KIZ: variants seen among roughly 807,000 people sequenced by gnomAD.
KIZ encodes the protein centrosomal protein kizuna.
KIZ carries 68 observed loss-of-function variants against 79.6 expected under a neutral mutation model. The ratio of observed to expected loss-of-function variants is 0.85; its 90% confidence interval spans 0.70 to 1.05. The LOEUF (loss-of-function observed/expected upper bound fraction) is 1.05, where lower values mean the gene tolerates loss of function less well. Among genes scored for constraint, KIZ ranks in the 50% least tolerant of loss-of-function variants. The pLI is 0.00. For missense variants in KIZ, 797 were observed against 800.4 expected, an observed-to-expected ratio of 1.00 and a Z score of 0.05; for synonymous variants, 280 against 281.8, an observed-to-expected ratio of 0.99 and a Z score of 0.06.
At chr20:21,229,722 G>A (rs889512334) in intron 10 of KIZ, among the ~76,000 whole-genome samples, 4 of 151,674 alleles carry the variant, frequency 2.6e-5, no homozygotes, top group South Asian at 2.1e-4. Context: ...CTACAGGTGC[G>A]CACCACCACA....
chr20:21,148,396 A>C (rs2032956378), intron 4 of KIZ, among the ~76,000 whole-genome samples: 1 of 152,152 alleles, frequency 6.6e-6, no homozygotes. Flanking sequence ...TGCATCCAGT[A>C]GTTGCTCTTT....
chr20:21,235,828 A>C (rs539523957), intron 11 of KIZ, among the ~76,000 whole-genome samples: 1 of 152,360 alleles, frequency 6.6e-6, no homozygotes, highest in East Asian at 1.9e-4. Flanking sequence ...TGCAGCCACC[A>C]GAGCGGCCAG....
In KIZ at chr20:21,143,819, T is replaced by C. The variant is rs750803176; in HGVS notation, c.316-1746T>C. On this transcript the variant is annotated intron_variant, in intron 3 of 12. Coordinates refer to ENST00000619189, the MANE Select transcript of KIZ (RefSeq NM_018474.6). ...GGAGAGCGCTGTGGAAAACTCCTGC[T>C]CTCCAGTGTTCCGGACATGGATAAT... Among the ~76,000 whole-genome samples the C allele has an allele frequency of 7.2e-5, 11 of 152,250 alleles. No individual in the cohort carries two copies. The East Asian group carries it at 1.5e-3, about 21-fold the overall frequency.
At chr20:21,169,147 A>C (rs1464149916) in intron 6 of KIZ, among the ~76,000 whole-genome samples, 4 of 152,200 alleles carry the variant, frequency 2.6e-5, no homozygotes, top group Non-Finnish European at 4.4e-5. Flanking sequence ...TGAACAGGCA[A>C]CCTACAGCAT....
chr20:21,210,637 G>C (rs2036028801), intron 7 of KIZ, among the ~76,000 whole-genome samples: 1 of 152,132 alleles, frequency 6.6e-6, no homozygotes, highest in African/African-American at 2.4e-5. Context: ...AGGTCAAAAG[G>C]TGGGTATATC....
chr20:21,145,294 T>C (rs2032790091), intron 3 of KIZ, among the ~76,000 whole-genome samples: 1 of 145,236 alleles, frequency 6.9e-6, no homozygotes, highest in South Asian at 2.1e-4. Context: ...TATACATGTG[T>C]ATATATATAA....
chr20:21,193,706 G>A (rs926858193), intron 6 of KIZ, among the ~76,000 whole-genome samples: 1 of 151,730 alleles, frequency 6.6e-6, no homozygotes, highest in African/African-American at 2.4e-5. Context: ...TCCTTTGTAG[G>A]GACATGGATG....
At chr20:21,238,550 C>T (rs1381005417) in intron 11 of KIZ, among the ~76,000 whole-genome samples, 1 of 152,150 alleles carries the variant, frequency 6.6e-6, no homozygotes, top group Non-Finnish European at 1.5e-5. Flanking sequence ...TTCCTGGCTG[C>T]TGTCTTGTCT....
intron 3 of KIZ, among the ~76,000 whole-genome samples, chr20:21,136,766 C>T (rs1325263828): frequency 6.6e-6 from 1 of 151,994 alleles, no homozygotes; most frequent in Non-Finnish European, 1.5e-5. Context: ...CAGATGCACA[C>T]CCCAGGTTTA....
chr20:21,188,427 A>G (rs2034971698), intron 6 of KIZ, among the ~76,000 whole-genome samples: 1 of 152,178 alleles, frequency 6.6e-6, no homozygotes, highest in South Asian at 2.1e-4. Flanking sequence ...AGTTTTCCCA[A>G]TATCCTTAGG....
At chr20:21,198,599 T>A (rs1036991004) in intron 6 of KIZ, 2 of 152,504 alleles carry the variant, frequency 1.3e-5, no homozygotes, top group African/African-American at 4.8e-5. Context: ...GGAGGATATT[T>A]ACAGGATTCT....
intron 9 of KIZ, among the ~76,000 whole-genome samples, chr20:21,224,723 T>A (rs2036606646): frequency 1.3e-5 from 2 of 152,224 alleles, no homozygotes; most frequent in Admixed American, 1.3e-4. Flanking sequence ...AAGACACCCC[T>A]TAGAGACTGG....
intron 11 of KIZ, among the ~76,000 whole-genome samples, chr20:21,240,545 G>A (rs2037178781): frequency 6.6e-6 from 1 of 152,228 alleles, no homozygotes; most frequent in African/African-American, 2.4e-5. Context: ...TAAACTTCTA[G>A]GGAAAAAATA....
chr20:21,219,183 G>C (rs570780707), intron 9 of KIZ, among the ~76,000 whole-genome samples: 49,060 of 152,078 alleles, frequency 0.32, 8,010 homozygotes, highest in East Asian at 0.42. Context: ...CATATACCAG[G>C]TAGAATATTT....
chr20:21,203,810 CAT>C (rs1233454531), intron 6 of KIZ, among the ~76,000 whole-genome samples: 1 of 151,970 alleles, frequency 6.6e-6, no homozygotes, highest in Non-Finnish European at 1.5e-5. Flanking sequence ...TAAAAAAAAA[CAT>C]AAAATTAGCC....
At chr20:21,150,805 C>G (rs1456928983) in intron 4 of KIZ, 1 of 152,318 alleles carries the variant, frequency 6.6e-6, no homozygotes, top group African/African-American at 2.4e-5. Flanking sequence ...CACACCACCC[C>G]ACAGCACCCT....
intron 3 of KIZ, chr20:21,138,964 G>A (rs1245729127): frequency 8.9e-6 from 1 of 112,096 alleles, no homozygotes; most frequent in Non-Finnish European, 1.7e-5. Context: ...GCCTACAACA[G>A]CACCTGGTAT....
At chr20:21,213,224 ACCAGACCTTCCAT>A (rs2036142089) in intron 7 of KIZ, among the ~76,000 whole-genome samples, 2 of 152,090 alleles carry the variant, frequency 1.3e-5, no homozygotes, top group Admixed American at 6.6e-5. Context: ...AACATGCAAG[ACCAGACCTTCCAT>A]CCAGACCTTC....
rs574261255 is a variant in KIZ at position 21,166,495 on chromosome 20, G to T, written c.1352+3336G>T. ...TCATCATCACAATGAGAAACCGGACGATGACTTTGGAGCACGGCCTAATAA... is the reference window on the plus strand; with the variant it reads ...TCATCATCACAATGAGAAACCGGACTATGACTTTGGAGCACGGCCTAATAA... On this transcript the variant is annotated intron_variant, in intron 6 of 12. Transcript: ENST00000619189. 5.8e-6 allele frequency: 9 copies of T among 1,564,724 alleles called. No homozygotes were observed. The African/African-American group carries it at 1.2e-4, about 21-fold the overall frequency.
Sources: gnomAD v4.1 joint callset for allele counts (sites outside exome capture counted in the v4.1 genomes callset) on GRCh38, gnomAD v4.1.1 for gene constraint, MANE v1.5 for transcripts, NCBI Gene and HGNC (gene_info 2026-07-23, HGNC 2026-07-21) for gene names.